The following BMAL2 variants were observed in gnomAD, a reference collection of about 807,000 sequenced individuals.
BMAL2 encodes basic helix-loop-helix ARNT-like protein 2.
the BMAL2 span, among the ~76,000 whole-genome samples, chr12:27,378,586 G>A: frequency 6.6e-6 from 1 of 152,210 alleles, no homozygotes; most frequent in Admixed American, 6.5e-5. Context: ...CTTGAAGAGA[G>A]AAACTGGAGA....
At chr12:27,420,668 G>A in the BMAL2 span, 1 of 1,029,344 alleles carries the variant, frequency 9.7e-7, no homozygotes. Context: ...TTATAGATTT[G>A]CATCTTCCTG....
At chr12:27,398,565 A>G in the BMAL2 span, among the ~76,000 whole-genome samples, 2 of 98,064 alleles carry the variant, frequency 2.0e-5, no homozygotes, top group East Asian at 1.4e-3. Flanking sequence ...GGGATTTTTA[A>G]AAAAAAAACT....
At chr12:27,383,176 T>C in the BMAL2 span, among the ~76,000 whole-genome samples, 1 of 152,206 alleles carries the variant, frequency 6.6e-6, no homozygotes, top group African/African-American at 2.4e-5. Context: ...CTATGTGACT[T>C]ACTCAAGTTA....
chr12:27,349,255 A>G, the BMAL2 span, among the ~76,000 whole-genome samples: 1 of 152,198 alleles, frequency 6.6e-6, no homozygotes, highest in African/African-American at 2.4e-5. Flanking sequence ...GTTTAAAGCA[A>G]TAGAACAAAA....
the BMAL2 span, chr12:27,400,679 T>C: frequency 6.2e-7 from 1 of 1,614,008 alleles, no homozygotes; most frequent in Non-Finnish European, 8.5e-7. Context: ...TACAGCCATA[T>C]ATTGTTCCAC....
chr12:27,379,198 A>G, the BMAL2 span, among the ~76,000 whole-genome samples: 1 of 152,246 alleles, frequency 6.6e-6, no homozygotes, highest in Non-Finnish European at 1.5e-5. Context: ...CCTATAAATC[A>G]GGAGTAGTAC....
the BMAL2 span, among the ~76,000 whole-genome samples, chr12:27,419,338 C>T: frequency 5.3e-5 from 8 of 152,170 alleles, no homozygotes; most frequent in African/African-American, 1.9e-4. Context: ...GAGTATAGTG[C>T]AGGCATCTTA....
chr12:27,339,320 A>T, the BMAL2 span, among the ~76,000 whole-genome samples: 1 of 152,186 alleles, frequency 6.6e-6, no homozygotes, highest in African/African-American at 2.4e-5. Context: ...ATAATATTCC[A>T]TGGTGTATAT....
At chr12:27,377,859 A>T in the BMAL2 span, among the ~76,000 whole-genome samples, 1 of 152,158 alleles carries the variant, frequency 6.6e-6, no homozygotes, top group East Asian at 1.9e-4. Flanking sequence ...AACAGTGTGT[A>T]TTTTGTTCCA....
At chr12:27,400,532 A>G in the BMAL2 span, 11 of 1,559,252 alleles carry the variant, frequency 7.1e-6, no homozygotes, top group Non-Finnish European at 9.5e-6. Context: ...TCTTTGAATT[A>G]GAGCACAGAA....
chr12:27,400,295 C>T, the BMAL2 span, among the ~76,000 whole-genome samples: 16 of 151,962 alleles, frequency 1.1e-4, no homozygotes, highest in African/African-American at 3.4e-4. Context: ...GCAACCTGTT[C>T]GTTTTTTCAT....
chr12:27,333,025 C>T, the BMAL2 span: 1 of 1,186,554 alleles, frequency 8.4e-7, no homozygotes, highest in Non-Finnish European at 1.0e-6. Context: ...CGGGGCTCCT[C>T]CATGCTGCCA....
the BMAL2 span, among the ~76,000 whole-genome samples, chr12:27,348,470 TA>T: frequency 6.6e-6 from 1 of 152,148 alleles, no homozygotes; most frequent in African/African-American, 2.4e-5. Context: ...AGGTAACATT[TA>T]TTTTTTTTTA....
the BMAL2 span, among the ~76,000 whole-genome samples, chr12:27,352,138 A>G: frequency 6.6e-6 from 1 of 152,204 alleles, no homozygotes; most frequent in South Asian, 2.1e-4. Context: ...TATATCTTTA[A>G]TAATTTTAGG....
chr12:27,418,163 A>G, the BMAL2 span: 130 of 1,613,310 alleles, frequency 8.1e-5, 1 homozygote, highest in Middle Eastern at 1.6e-4. Flanking sequence ...AAACCAGAGT[A>G]CTGTTGCTGT....
chr12:27,347,988 C>A, the BMAL2 span, among the ~76,000 whole-genome samples: 1 of 152,192 alleles, frequency 6.6e-6, no homozygotes, highest in Non-Finnish European at 1.5e-5. Flanking sequence ...AATCAGGTAA[C>A]CAGATCCCCT....
the BMAL2 span, among the ~76,000 whole-genome samples, chr12:27,380,829 T>C: frequency 1.3e-5 from 2 of 151,810 alleles, no homozygotes; most frequent in African/African-American, 4.8e-5. Flanking sequence ...GGCAAAAAAA[T>C]GCAAAAATTA....
the BMAL2 span, chr12:27,390,257 C>G: frequency 6.2e-7 from 1 of 1,609,868 alleles, no homozygotes. Flanking sequence ...TTTGAAATGT[C>G]AAGTGATGCA....
At chr12:27,383,389 G>C in the BMAL2 span, among the ~76,000 whole-genome samples, 1 of 152,082 alleles carries the variant, frequency 6.6e-6, no homozygotes, top group Non-Finnish European at 1.5e-5. Flanking sequence ...AAAAGTAAGT[G>C]ATCATGTTGC....
Sources: allele counts gnomAD v4.1 joint callset (sites outside exome capture counted in the v4.1 genomes callset), GRCh38; gene constraint gnomAD v4.1.1; transcripts MANE v1.5; gene names NCBI Gene and HGNC (gene_info 2026-07-23, HGNC 2026-07-21).